CCND3: variants seen among roughly 807,000 people sequenced by gnomAD.
CCND3 encodes G1/S-specific cyclin-D3.
A neutral mutation model predicts 28.7 loss-of-function variants in CCND3; 9 were observed. The observed-to-expected ratio is 0.31, with a 90% CI of 0.19 to 0.55. The LOEUF (loss-of-function observed/expected upper bound fraction) is 0.55, where lower values mean the gene tolerates loss of function less well. Ranked by LOEUF, CCND3 falls within the 20% of genes least tolerant of loss-of-function variation. CCND3 has a pLI of 0.93. For synonymous variants in CCND3, 164 were observed against 163.9 expected, an observed-to-expected ratio of 1.00 and a Z score of 0.00; for missense variants, 315 against 385.8, an observed-to-expected ratio of 0.82 and a Z score of 1.54.
chr6:42,028,420 C>T (rs1763944015), intron 1 of CCND3, among the ~76,000 whole-genome samples: 1 of 152,240 alleles, frequency 6.6e-6, no homozygotes, highest in South Asian at 2.1e-4. Flanking sequence ...CCAGCTCAGA[C>T]AATTCCTGTG....
chr6:41,986,416 C>T (rs1053711130), intron 1 of CCND3, among the ~76,000 whole-genome samples: 2 of 151,832 alleles, frequency 1.3e-5, no homozygotes, highest in African/African-American at 4.8e-5. Context: ...CACAGAATAT[C>T]ATTCCATTTA....
chr6:41,986,998 G>A lies in CCND3; in HGVS notation c.-45-46413C>T, dbSNP rs12663943. On this transcript the variant is annotated intron_variant, in intron 1 of 4. Coordinates refer to the CCND3 transcript ENST00000372988. ...ACCTTCACAATTAGTTGATAAAGTC[G>A]TCTGCCTAAATAACTACCCCATTTT... 2.4e-3 allele frequency among the ~76,000 whole-genome samples: 359 copies of A among 152,100 alleles called. 6 individuals are homozygous for A. The East Asian group carries it at 0.047, about 20-fold the overall frequency.
Position 41,987,465 on chromosome 6 carries a change from T to A in CCND3, c.-45-46880A>T, listed in dbSNP as rs114353055. On this transcript the variant is annotated intron_variant, in intron 1 of 4. Coordinates refer to the CCND3 transcript ENST00000372988. ...TTGCCTTCTGTAACCACAACTCCCA[T>A]GGACCAGGCTTTTCTCTCTCTCTCT... is the stretch of plus-strand genomic sequence containing the variant. 5.7e-3 allele frequency among the ~76,000 whole-genome samples: 855 copies of A among 148,954 alleles called. 13 individuals are homozygous for A. Among genetic ancestry groups the A allele is most frequent in the African/African-American group, 0.02 (807 of 40,454 alleles).
intron 1 of CCND3, among the ~76,000 whole-genome samples, chr6:42,031,649 C>G (rs1764046639): frequency 6.6e-6 from 1 of 152,034 alleles, no homozygotes; most frequent in Non-Finnish European, 1.5e-5. Flanking sequence ...TTCTGCTCCC[C>G]CAAGAAATAA....
At chr6:42,031,490 T>A (rs1347169285) in intron 1 of CCND3, 1 of 152,184 alleles carries the variant, frequency 6.6e-6, no homozygotes, top group Admixed American at 6.6e-5. Flanking sequence ...AACTTTACTC[T>A]CGGCACCTAC....
At chr6:41,978,826 C>T (rs2127411189) in intron 1 of CCND3, among the ~76,000 whole-genome samples, 1 of 152,106 alleles carries the variant, frequency 6.6e-6, no homozygotes, top group East Asian at 1.9e-4. Context: ...TCTACAATGA[C>T]ATGTTGCATT....
chr6:42,015,349 C>A (rs1247826557), intron 1 of CCND3, among the ~76,000 whole-genome samples: 1 of 152,080 alleles, frequency 6.6e-6, no homozygotes, highest in East Asian at 1.9e-4. Context: ...GACTATGTGA[C>A]AAGTGCTTGA....
chr6:42,031,343 G>C (rs1764037094), intron 1 of CCND3: 1 of 152,174 alleles, frequency 6.6e-6, no homozygotes, highest in African/African-American at 2.4e-5. Flanking sequence ...GAGTCACCTG[G>C]ATACTTCACA....
intron 1 of CCND3, among the ~76,000 whole-genome samples, chr6:41,981,301 G>T (rs1290556493): frequency 6.6e-6 from 1 of 152,042 alleles, no homozygotes; most frequent in Non-Finnish European, 1.5e-5. Context: ...CGCCTCCCCA[G>T]TTCAAGCAAT....
chr6:42,043,351 C>T (rs1191482173), intron 1 of CCND3, among the ~76,000 whole-genome samples: 1 of 152,208 alleles, frequency 6.6e-6, no homozygotes, highest in Non-Finnish European at 1.5e-5. Flanking sequence ...TCCTGGCCAA[C>T]ATGGTGAAAC....
At position 41,936,478 on chromosome 6, in the gene CCND3, G is replaced by A; in HGVS notation, c.711+81C>T. On this transcript the variant is annotated intron_variant, in intron 4 of 4. Coordinates refer to ENST00000372991, the MANE Select transcript of CCND3 (RefSeq NM_001760.5). This position sits in a 1 kb window ranked among gnomAD's most constrained non-coding sequence, Gnocchi z 4.4. Reference sequence around the variant, plus strand: ...AGGACTTGGGACCAGGTTGGGGTTGGAGGTTTCCCTCTACTGGAGGCTCAG... The same window carrying A: ...AGGACTTGGGACCAGGTTGGGGTTGAAGGTTTCCCTCTACTGGAGGCTCAG... The A allele has an allele frequency of 6.6e-7, 1 of 1,514,584 alleles. No homozygotes were observed. 93.8% of individuals were successfully genotyped at this position (1,514,584 alleles called of 1,614,324 possible).
intron 1 of CCND3, among the ~76,000 whole-genome samples, chr6:41,986,721 T>C (rs541080732): frequency 5.3e-4 from 80 of 152,178 alleles, no homozygotes; most frequent in Non-Finnish European, 9.0e-4. Flanking sequence ...GCAGAGACAA[T>C]GTTACTTCTT....
At chr6:41,951,675 TG>T (rs1320266113) in intron 1 of CCND3, among the ~76,000 whole-genome samples, 2 of 151,772 alleles carry the variant, frequency 1.3e-5, no homozygotes, top group Non-Finnish European at 2.9e-5. Context: ...GTCCCCAGTG[TG>T]GCACAACACC....
At chr6:41,946,595 C>CAAAAAAAAAA (rs35369019), upstream of CCND3, among the ~76,000 whole-genome samples, 23 of 20,930 alleles carry the variant, frequency 1.1e-3, 5 homozygotes, top group Non-Finnish European at 1.3e-3. Flanking sequence ...AGACCTGTCT[C>CAAAAAAAAAA]AAAAAAAAAA....
rs764185204 is a variant in CCND3, at chr6:41,937,378, A to G, written c.431T>C (p.Val144Ala). The G allele has an allele frequency of 6.8e-6, 11 of 1,613,958 alleles. No individual in the cohort carries two copies. The highest frequency in any genetic ancestry group is 9.3e-6 in the Non-Finnish European group (11 of 1,180,018). Residue 144 changes from valine (V) to alanine (A), a missense_variant, in exon 3 of 5, where the codon GTC (valine) becomes GCC (alanine). Transcript: ENST00000372991. ...CAGGTCCCACTTGAGCTTCCCTAGGACCAGCACCTCCCAGTCCTGAAAAAG... is the reference window on the plus strand; with the variant it reads ...CAGGTCCCACTTGAGCTTCCCTAGGGCCAGCACCTCCCAGTCCTGAAAAAG... Reference protein sequence around the residue: ...PRQLRDWEVLVLGKLKWDLAA... With the variant: ...PRQLRDWEVLALGKLKWDLAA...
At position 41,937,210 on chromosome 6, in the gene CCND3, G is replaced by T. The variant is rs550895211; in HGVS notation, c.574+25C>A. The T allele has an allele frequency of 5.4e-5, 87 of 1,613,412 alleles. No homozygotes were observed. In the Admixed American group the frequency reaches 1.4e-3, roughly 26 times the overall value. On this transcript the variant is annotated intron_variant, in intron 3 of 4. Coordinates refer to ENST00000372991, the MANE Select transcript of CCND3 (RefSeq NM_001760.5). ...TAAGTCTTCTGATTTTTCCAATTTG[G>T]CAAAAATGTGCATAGGGCTCTTACC... is the stretch of plus-strand genomic sequence containing the variant.
chr6:42,015,950 A>T (rs1041169984), intron 1 of CCND3, among the ~76,000 whole-genome samples: 2 of 150,472 alleles, frequency 1.3e-5, no homozygotes, highest in African/African-American at 2.4e-5. Flanking sequence ...TTATTTATTT[A>T]TTTTTTGAGA....
intron 1 of CCND3, among the ~76,000 whole-genome samples, chr6:41,972,126 G>A (rs1325700212): frequency 4.6e-5 from 7 of 150,644 alleles, no homozygotes; most frequent in Non-Finnish European, 7.4e-5. Context: ...CATGCGGGAG[G>A]CTGAGGCAGG....
At chr6:42,006,863 G>A (rs1039111205) in intron 1 of CCND3, among the ~76,000 whole-genome samples, 6 of 151,280 alleles carry the variant, frequency 4.0e-5, no homozygotes, top group Non-Finnish European at 7.4e-5. Flanking sequence ...AGCCGAGATC[G>A]CTCCACTGCA....
Sources: gnomAD v4.1 joint callset for allele counts (sites outside exome capture counted in the v4.1 genomes callset) on GRCh38, gnomAD v4.1.1 for gene constraint, Gnocchi (gnomAD v3.1) non-coding constraint, MANE v1.5 for transcripts, NCBI Gene and HGNC (gene_info 2026-07-23, HGNC 2026-07-21) for gene names.